UBAC2: variants seen among roughly 807,000 people sequenced by gnomAD.
The protein encoded by UBAC2 is UBA domain containing 2, also known as ubiquitin-associated domain-containing protein 2.
Under a neutral mutation model 44.0 loss-of-function variants are expected in UBAC2, and 26 were observed. The ratio of observed to expected loss-of-function variants is 0.59; its 90% CI spans 0.43 to 0.82. The LOEUF (loss-of-function observed/expected upper bound fraction) is 0.82. UBAC2 is among the 40% of genes least tolerant of loss of function. The probability of loss-of-function intolerance (pLI) is 0.00; values close to 1 mark genes in which losing one functional copy is unlikely to be tolerated. For synonymous variants in UBAC2, 155 were observed against 154.3 expected (o/e 1.00, Z -0.04); for missense variants, 329 against 419.4 (o/e 0.78, Z 1.88).
chr13:99,302,755 C>T (rs114174757), intron 4 of UBAC2, among the ~76,000 whole-genome samples: 1 of 152,192 alleles, frequency 6.6e-6, no homozygotes, highest in African/African-American at 2.4e-5. Context: ...TCAGAGCCTC[C>T]TGGTGCTTCA....
intron 1 of UBAC2, among the ~76,000 whole-genome samples, chr13:99,223,150 C>CA (rs921239685): frequency 6.0e-5 from 9 of 151,148 alleles, no homozygotes; most frequent in South Asian, 4.2e-4. Flanking sequence ...CATTCCCTTT[C>CA]AAAAAAAAAT....
intron 1 of UBAC2, among the ~76,000 whole-genome samples, chr13:99,230,471 C>CAATA (rs1211409123): frequency 2.0e-5 from 3 of 151,694 alleles, no homozygotes; most frequent in African/African-American, 4.8e-5. Flanking sequence ...TCTGTCTCCT[C>CAATA]AATAAATAAA....
chr13:99,348,074 A>C (rs559812236), intron 7 of UBAC2, among the ~76,000 whole-genome samples: 38 of 152,240 alleles, frequency 2.5e-4, no homozygotes, highest in African/African-American at 8.9e-4. Flanking sequence ...TCATTTTGCT[A>C]CTTGCAGCTG....
At position 99,289,653 on chromosome 13, in the gene UBAC2, T is replaced by C. The variant is rs182803943; in HGVS notation, c.390-24444T>C. On this transcript the variant is annotated intron_variant, in intron 4 of 8. Coordinates refer to ENST00000403766, the MANE Select transcript of UBAC2 (RefSeq NM_001144072.2). Reference sequence around the variant, plus strand: ...ATTCCAAGTAGGTTAAACACTGTTTTAATCAGAACAGGTTAGCTTATGTTG... The same window carrying C: ...ATTCCAAGTAGGTTAAACACTGTTTCAATCAGAACAGGTTAGCTTATGTTG... Among the ~76,000 whole-genome samples, 240 of 152,348 alleles carry C rather than the reference T, an allele frequency of 1.6e-3. 2 individuals carry two copies. Among genetic ancestry groups the C allele is most frequent in the African/African-American group, 5.6e-3 (231 of 41,568 alleles).
intron 5 of UBAC2, among the ~76,000 whole-genome samples, chr13:99,315,091 T>A (rs576411965): frequency 1.3e-4 from 20 of 152,314 alleles, no homozygotes; most frequent in African/African-American, 4.3e-4. Context: ...TTCTCCAGTC[T>A]GCTGTCATGT....
At chr13:99,287,493 T>C (rs995988328) in intron 4 of UBAC2, among the ~76,000 whole-genome samples, 1 of 152,054 alleles carries the variant, frequency 6.6e-6, no homozygotes, top group African/African-American at 2.4e-5. Context: ...GGCACGATCA[T>C]GACTAACTGC....
chr13:99,294,902 T>C, intron 4 of UBAC2: 1 of 697,004 alleles, frequency 1.4e-6, no homozygotes, highest in South Asian at 2.0e-5. Context: ...TATGTTGTTC[T>C]CTTGGGCTTA....
chr13:99,351,408 G>A (rs2045086043), intron 7 of UBAC2: 3 of 384,980 alleles, frequency 7.8e-6, no homozygotes, highest in Admixed American at 6.6e-5. Flanking sequence ...GGTTATATAG[G>A]TAACTACATA....
At chr13:99,245,153 A>C (rs575303688) in intron 4 of UBAC2, among the ~76,000 whole-genome samples, 13 of 152,282 alleles carry the variant, frequency 8.5e-5, no homozygotes, top group Admixed American at 3.3e-4. Flanking sequence ...TTTAGCTTTG[A>C]AAGTTTGTGT....
chr13:99,230,734 C>G (rs939353260), intron 1 of UBAC2, among the ~76,000 whole-genome samples: 1 of 152,130 alleles, frequency 6.6e-6, no homozygotes, highest in African/African-American at 2.4e-5. Context: ...AACTTACTCT[C>G]CTGCCTCCCT....
intron 1 of UBAC2, among the ~76,000 whole-genome samples, chr13:99,208,776 G>T (rs2042905689): frequency 6.6e-6 from 1 of 152,336 alleles, no homozygotes; most frequent in African/African-American, 2.4e-5. Context: ...TTGTTCTTCT[G>T]TGGCTCCCTG....
At chr13:99,379,104 G>A (rs2045518545) in intron 8 of UBAC2, among the ~76,000 whole-genome samples, 2 of 152,208 alleles carry the variant, frequency 1.3e-5, no homozygotes, top group African/African-American at 4.8e-5. Flanking sequence ...AGTTAAACAT[G>A]CCTTTTTGTT....
intron 4 of UBAC2, among the ~76,000 whole-genome samples, chr13:99,276,233 T>C (rs2043880398): frequency 6.6e-6 from 1 of 152,210 alleles, no homozygotes; most frequent in South Asian, 2.1e-4. Context: ...TCTGACACTT[T>C]CTACCTGGAG....
chr13:99,250,940 G>A (rs1291270054), intron 4 of UBAC2, among the ~76,000 whole-genome samples: 1 of 151,900 alleles, frequency 6.6e-6, no homozygotes, highest in Non-Finnish European at 1.5e-5. Context: ...TAGTAGAGAC[G>A]GGGTTTCACT....
chr13:99,347,277 T>G (rs1237086641), intron 7 of UBAC2, among the ~76,000 whole-genome samples: 8 of 127,366 alleles, frequency 6.3e-5, no homozygotes, highest in African/African-American at 2.1e-4. Flanking sequence ...TCAGGAAGAG[T>G]AGGTGTTTCA....
chr13:99,254,030 G>C (rs1373230270), intron 4 of UBAC2, among the ~76,000 whole-genome samples: 2 of 152,126 alleles, frequency 1.3e-5, no homozygotes, highest in East Asian at 1.9e-4. Context: ...TTTATTAGGA[G>C]AAATTAAATG....
intron 7 of UBAC2, among the ~76,000 whole-genome samples, chr13:99,359,720 A>G (rs2045238843): frequency 6.6e-6 from 1 of 152,206 alleles, no homozygotes; most frequent in Non-Finnish European, 1.5e-5. Flanking sequence ...GAGGTGGAAA[A>G]CATTTGAAAG....
intron 4 of UBAC2, among the ~76,000 whole-genome samples, chr13:99,288,856 C>T (rs2044053796): frequency 6.6e-6 from 1 of 152,140 alleles, no homozygotes; most frequent in Non-Finnish European, 1.5e-5. Context: ...TATTTGATGA[C>T]CTATAGTCAA....
chr13:99,335,312 TA>T (rs2044771735), intron 6 of UBAC2, among the ~76,000 whole-genome samples: 1 of 152,256 alleles, frequency 6.6e-6, no homozygotes, highest in African/African-American at 2.4e-5. Context: ...ATATACACCC[TA>T]TTTTCTGTTT....
Sources: allele counts gnomAD v4.1 joint callset (sites outside exome capture counted in the v4.1 genomes callset), GRCh38; gene constraint gnomAD v4.1.1; transcripts MANE v1.5; gene names NCBI Gene and HGNC (gene_info 2026-07-23, HGNC 2026-07-21).